ACOX3: variants seen among roughly 807,000 people sequenced by gnomAD.
ACOX3 encodes the protein acyl-CoA oxidase 3, pristanoyl.
ACOX3 carries 73 observed loss-of-function variants against 81.5 expected under a neutral mutation model. The observed-to-expected ratio is 0.90, with a 90% CI of 0.74 to 1.09. The LOEUF (loss-of-function observed/expected upper bound fraction) is 1.09, where lower values mean the gene tolerates loss of function less well. ACOX3 is among the 50% of genes least tolerant of loss of function. The pLI is 0.00. For synonymous variants in ACOX3, 387 were observed against 375.1 expected, an observed-to-expected ratio of 1.03 and a Z score of -0.37; for missense variants, 947 against 928.0, an observed-to-expected ratio of 1.02 and a Z score of -0.27.
downstream of ACOX3, among the ~76,000 whole-genome samples, chr4:8,364,680 C>T (rs988028691): frequency 6.6e-6 from 1 of 152,200 alleles, no homozygotes; most frequent in African/African-American, 2.4e-5. The surrounding 1 kb of genome is among the most constrained non-coding windows in gnomAD (Gnocchi z 5.0). Context: ...TATATGACAC[C>T]GAAGTCAAAT....
chr4:8,393,852 G>A lies in ACOX3; in HGVS notation c.1179+768C>T, dbSNP rs73087709. On this transcript the variant is annotated intron_variant, in intron 10 of 17. Transcript: ENST00000356406. ...AAAGCTCCACTGACTCACGCTCCAG[G>A]GAAAACACAGGCTTAACCCCTTTAG... 8.4e-3 allele frequency among the ~76,000 whole-genome samples: 1,286 copies of A among 152,268 alleles called. 21 individuals carry two copies. The highest frequency in any genetic ancestry group is 0.03 in the African/African-American group (1,227 of 41,552).
chr4:8,364,876 G>C (rs545876133), downstream of ACOX3, among the ~76,000 whole-genome samples: 1 of 152,208 alleles, frequency 6.6e-6, no homozygotes, highest in African/African-American at 2.4e-5. The surrounding 1 kb of genome is among the most constrained non-coding windows in gnomAD (Gnocchi z 5.0). Context: ...TGGGAGACAA[G>C]GACAGCTGGG....
chr4:8,422,359 A>G (rs1009819418), intron 1 of ACOX3, among the ~76,000 whole-genome samples: 2 of 152,242 alleles, frequency 1.3e-5, no homozygotes, highest in Admixed American at 6.5e-5. Context: ...CTATGACCCT[A>G]TAACACTCCA....
downstream of ACOX3, among the ~76,000 whole-genome samples, chr4:8,364,843 C>A (rs575058748): frequency 6.6e-6 from 1 of 152,176 alleles, no homozygotes; most frequent in East Asian, 1.9e-4. The surrounding 1 kb of genome is among the most constrained non-coding windows in gnomAD (Gnocchi z 5.0). Context: ...AAAACCCCTC[C>A]GGAGATGCCC....
chr4:8,358,799 C>A, the ACOX3 span, among the ~76,000 whole-genome samples: 4 of 152,198 alleles, frequency 2.6e-5, no homozygotes, highest in Admixed American at 6.5e-5. Flanking sequence ...ATAATCCACA[C>A]CCTGATTAGC....
At chr4:8,428,123 CA>C (rs1348112721) in intron 1 of ACOX3, among the ~76,000 whole-genome samples, 2 of 152,248 alleles carry the variant, frequency 1.3e-5, no homozygotes, top group South Asian at 4.1e-4. Flanking sequence ...CTGCCTAGTT[CA>C]ATGTGTAAAG....
In ACOX3 at chr4:8,366,906, C is replaced by T. The variant is rs914211657; in HGVS notation, c.*55G>A. Reference sequence around the variant, plus strand: ...TTCTGGAATCAGAAGTTGAGGTCCACGTCTGATTAGTTCCCTTCGTTTCAT... The same window carrying T: ...TTCTGGAATCAGAAGTTGAGGTCCATGTCTGATTAGTTCCCTTCGTTTCAT... On this transcript the variant is annotated 3_prime_UTR_variant, in exon 18 of 18. Coordinates refer to ENST00000356406, the MANE Select transcript of ACOX3 (RefSeq NM_003501.3). 7.5e-6 allele frequency: 12 copies of T among 1,602,278 alleles called. No individual in the cohort carries two copies. The African/African-American group carries it at 9.4e-5, about 13-fold the overall frequency.
chr4:8,376,927 C>G (rs1330000893), intron 14 of ACOX3, among the ~76,000 whole-genome samples: 1 of 152,076 alleles, frequency 6.6e-6, no homozygotes, highest in Middle Eastern at 3.2e-3. Flanking sequence ...CAGGCTCCCA[C>G]CTGAGGCCTC....
At chr4:8,415,725 G>A in intron 3 of ACOX3, 41 bp downstream of exon 3, 2 of 1,578,618 alleles carry the variant, frequency 1.3e-6, no homozygotes, top group Non-Finnish European at 1.7e-6. Context: ...GCTCAGCGCA[G>A]CATGAAAGCC....
intron 13 of ACOX3, among the ~76,000 whole-genome samples, chr4:8,388,729 G>A (rs951122869): frequency 6.6e-6 from 1 of 152,216 alleles, no homozygotes; most frequent in Non-Finnish European, 1.5e-5. Flanking sequence ...CGGGAGGTGC[G>A]CCAGGGCGGG....
Position 8,405,892 on chromosome 4 carries a change from T to G in ACOX3, c.776+63A>C. On this transcript the variant is annotated intron_variant, in intron 7 of 17. Transcript: ENST00000356406. The surrounding 1 kb of genome is among the most constrained non-coding windows in gnomAD (Gnocchi z 7.1). ...CATGGGGCCAGTGAGATCTCAGACA[T>G]GAGCGACAACGCAGCCTGGGCCTTG... The G allele has an allele frequency of 6.7e-7, 1 of 1,503,366 alleles. No individual in the cohort carries two copies. Among genetic ancestry groups the G allele is most frequent in the Non-Finnish European group, 9.3e-7 (1 of 1,079,798 alleles). The allele number at this position is 1,503,366 out of a possible 1,614,324, so 93.1% of individuals were successfully genotyped here.
chr4:8,433,883 G>C (rs1357792760), intron 1 of ACOX3, among the ~76,000 whole-genome samples: 1 of 152,046 alleles, frequency 6.6e-6, no homozygotes, highest in East Asian at 1.9e-4. Context: ...TTCCTCCTGG[G>C]GACATGTAGT....
rs771608002 is a variant in ACOX3, at chr4:8,372,057, C to T, written c.1897-1063G>A. On this transcript the variant is annotated intron_variant, in intron 16 of 17. Coordinates refer to ENST00000356406, the MANE Select transcript of ACOX3 (RefSeq NM_003501.3). ...TGGGCACACACAGAGTGGCACACAA[C>T]GGTCATCCAGCCTTGGCCATAGCCT... Among the ~76,000 whole-genome samples, 65 of 152,330 alleles carry T rather than the reference C, an allele frequency of 4.3e-4. No homozygotes were observed. In the Middle Eastern group the frequency reaches 0.01, roughly 24 times the overall value.
chr4:8,403,861 C>A (rs1208410117), intron 7 of ACOX3, among the ~76,000 whole-genome samples: 3 of 152,138 alleles, frequency 2.0e-5, no homozygotes, highest in African/African-American at 4.8e-5. Context: ...TGAAGAAGAG[C>A]CTTGCTCACA....
intron 8 of ACOX3, among the ~76,000 whole-genome samples, chr4:8,397,812 T>C (rs1473590124): frequency 6.6e-6 from 1 of 152,236 alleles, no homozygotes; most frequent in Non-Finnish European, 1.5e-5. Flanking sequence ...GGTAATTGTG[T>C]GTCTGAGCGT....
chr4:8,411,743 C>A (rs1721750726), intron 5 of ACOX3, among the ~76,000 whole-genome samples: 1 of 152,228 alleles, frequency 6.6e-6, no homozygotes, highest in Non-Finnish European at 1.5e-5. Flanking sequence ...TGGTGCCCAG[C>A]ACATCTCACT....
rs377050864 is a variant in ACOX3, at chr4:8,392,434, A to G, written c.1199T>C (p.Ile400Thr). Residue 400 changes from isoleucine to threonine, a missense_variant, in exon 11 of 18, where the codon ATC becomes ACC. Transcript: ENST00000356406. ...SARQAELGREIHALASASKPL... is the reference protein window; with the variant it reads ...SARQAELGRETHALASASKPL... The stretch of plus-strand genomic sequence containing the variant: ...CTTGCTGGCCGATGCCAGGGCGTGG[A>G]TCTCACGTCCAAGCTCTGCCTTTGG... 4.4e-6 allele frequency: 7 copies of G among 1,600,898 alleles called. No homozygotes were observed. In the African/African-American group the frequency reaches 9.4e-5, roughly 22 times the overall value.
rs7682800 is a variant in ACOX3 at position 8,379,355 on chromosome 4, C to T, written c.1653+2137G>A. Among the ~76,000 whole-genome samples, 651 of 152,268 alleles carry T rather than the reference C, an allele frequency of 4.3e-3. 7 individuals carry two copies. Among genetic ancestry groups the T allele is most frequent in the African/African-American group, 0.012 (503 of 41,548 alleles). ...AAATGTCCCCTGCTCTTAAAAGCTC[C>T]GCGACCCGGGGCAGGTCTGGAACAC... On this transcript the variant is annotated intron_variant, in intron 14 of 17. Coordinates refer to ENST00000356406, the MANE Select transcript of ACOX3 (RefSeq NM_003501.3).
rs113002149 is a variant in ACOX3, at chr4:8,406,886, G to A, written c.688-843C>T. 0.02 allele frequency among the ~76,000 whole-genome samples: 3,093 copies of A among 152,290 alleles called. 113 individuals carry two copies. Among genetic ancestry groups the A allele is most frequent in the African/African-American group, 0.07 (2,907 of 41,542 alleles). ...ATCACAGGGAGACGGTTAGTCCTCCGGATAACTGCGGGCAAGCCTGACAAA... is the reference window on the plus strand; with the variant it reads ...ATCACAGGGAGACGGTTAGTCCTCCAGATAACTGCGGGCAAGCCTGACAAA... On this transcript the variant is annotated intron_variant, in intron 6 of 17. Coordinates refer to ENST00000356406, the MANE Select transcript of ACOX3 (RefSeq NM_003501.3). The surrounding 1 kb of genome is among the most constrained non-coding windows in gnomAD (Gnocchi z 5.6).
Sources: allele counts gnomAD v4.1 joint callset (sites outside exome capture counted in the v4.1 genomes callset), GRCh38; gene constraint gnomAD v4.1.1; non-coding constraint Gnocchi (gnomAD v3.1); transcripts MANE v1.5; gene names NCBI Gene and HGNC (gene_info 2026-07-23, HGNC 2026-07-21).